OSBPL6: variants seen among roughly 807,000 people sequenced by gnomAD.
The protein encoded by OSBPL6 is oxysterol binding protein like 6, also known as oxysterol-binding protein-related protein 6.
A neutral mutation model predicts 125.8 loss-of-function variants in OSBPL6; 49 were observed. That is an observed-to-expected ratio of 0.39 (90% CI 0.31 to 0.49). OSBPL6 has a LOEUF of 0.49. Among genes scored for constraint, OSBPL6 ranks in the 20% least tolerant of loss-of-function variants. OSBPL6 has a pLI of 0.88. For missense variants in OSBPL6, 986 were observed against 1,135.4 expected (o/e 0.87, Z 1.89); for synonymous variants, 394 against 391.8 (o/e 1.01, Z -0.07).
intron 15 of OSBPL6, among the ~76,000 whole-genome samples, chr2:178,377,543 C>T (rs1394769826): frequency 6.6e-6 from 1 of 152,196 alleles, no homozygotes; most frequent in Non-Finnish European, 1.5e-5. Context: ...CCTTCACACT[C>T]ATAGTCTTAG....
intron 12 of OSBPL6, among the ~76,000 whole-genome samples, chr2:178,355,318 C>G (rs1358069062): frequency 6.6e-6 from 1 of 151,754 alleles, no homozygotes; most frequent in Non-Finnish European, 1.5e-5. Flanking sequence ...TTGAAAAGAT[C>G]AACAAAATTG....
intron 1 of OSBPL6, among the ~76,000 whole-genome samples, chr2:178,282,157 G>A (rs544800017): frequency 1.6e-4 from 24 of 152,312 alleles, no homozygotes; most frequent in African/African-American, 5.1e-4. Flanking sequence ...GCAGTTTTGT[G>A]CTGGATTTTG....
At chr2:178,219,047 C>T (rs936513434) in intron 1 of OSBPL6, among the ~76,000 whole-genome samples, 1 of 152,032 alleles carries the variant, frequency 6.6e-6, no homozygotes, top group Non-Finnish European at 1.5e-5. Context: ...CCCTACTTAC[C>T]TGCTTTGACT....
At chr2:178,211,642 C>T (rs1574495141) in intron 1 of OSBPL6, among the ~76,000 whole-genome samples, 2 of 152,230 alleles carry the variant, frequency 1.3e-5, no homozygotes, top group Middle Eastern at 3.4e-3. Context: ...TCTACCTGAC[C>T]CCATTCTGAA....
intron 1 of OSBPL6, among the ~76,000 whole-genome samples, chr2:178,284,684 C>T (rs1050982131): frequency 3.3e-5 from 5 of 152,186 alleles, no homozygotes; most frequent in African/African-American, 1.2e-4. Context: ...TTTTCATACT[C>T]CAAGCTCTGG....
intron 1 of OSBPL6, among the ~76,000 whole-genome samples, chr2:178,245,970 C>T (rs72947423): frequency 0.022 from 3,349 of 152,244 alleles, 61 homozygotes; most frequent in Non-Finnish European, 0.035. Flanking sequence ...ACAGGCCCTG[C>T]ACTCCCTGCT....
chr2:178,252,239 A>G (rs1315167200), intron 1 of OSBPL6, among the ~76,000 whole-genome samples: 5 of 152,154 alleles, frequency 3.3e-5, no homozygotes, highest in Non-Finnish European at 5.9e-5. Context: ...ACTGTTACTA[A>G]TCTTTGTAGT....
chr2:178,284,847 T>C, intron 1 of OSBPL6, 80 bp from the exon 2 acceptor site: 1 of 391,750 alleles, frequency 2.6e-6, no homozygotes, highest in South Asian at 1.4e-4. Flanking sequence ...AATTTTCTGA[T>C]TGGCCATAGG....
chr2:178,373,332 A>AT (rs11417975), intron 14 of OSBPL6, among the ~76,000 whole-genome samples: 84,121 of 151,998 alleles, frequency 0.55, 23,648 homozygotes, highest in East Asian at 0.89. Context: ...TTTCTCTTAC[A>AT]TTTTTTATTG....
chr2:178,291,276 G>A (rs1179271045), intron 2 of OSBPL6, among the ~76,000 whole-genome samples: 1 of 152,140 alleles, frequency 6.6e-6, no homozygotes. Flanking sequence ...GATTATCTGA[G>A]TTATTTGCAA....
intron 12 of OSBPL6, among the ~76,000 whole-genome samples, chr2:178,352,926 G>T (rs1559282983): frequency 6.6e-6 from 1 of 152,164 alleles, no homozygotes; most frequent in Non-Finnish European, 1.5e-5. Flanking sequence ...CTGTTCTGCA[G>T]CCTCCACTGT....
At chr2:178,267,198 A>T (rs955773462) in intron 1 of OSBPL6, among the ~76,000 whole-genome samples, 4 of 152,018 alleles carry the variant, frequency 2.6e-5, no homozygotes, top group African/African-American at 9.7e-5. Flanking sequence ...TACTAAAAAT[A>T]TAAAAATTAG....
At chr2:178,299,660 T>A (rs1686098144) in intron 2 of OSBPL6, among the ~76,000 whole-genome samples, 1 of 152,206 alleles carries the variant, frequency 6.6e-6, no homozygotes, top group Non-Finnish European at 1.5e-5. Flanking sequence ...AAAATCCTGT[T>A]ATGATTTTGG....
chr2:178,247,578 A>G (rs575965046), intron 1 of OSBPL6, among the ~76,000 whole-genome samples: 73 of 151,608 alleles, frequency 4.8e-4, no homozygotes, highest in Non-Finnish European at 9.6e-4. Flanking sequence ...AGTGTTTTCA[A>G]TTTCTCCTTC....
At chr2:178,252,605 T>C (rs983248985) in intron 1 of OSBPL6, among the ~76,000 whole-genome samples, 1 of 152,120 alleles carries the variant, frequency 6.6e-6, no homozygotes, top group Non-Finnish European at 1.5e-5. Context: ...GTGGTCTTTG[T>C]TAAACATATA....
intron 3 of OSBPL6, among the ~76,000 whole-genome samples, chr2:178,310,610 G>C (rs1029593871): frequency 1.3e-5 from 2 of 151,642 alleles, no homozygotes; most frequent in South Asian, 2.1e-4. Flanking sequence ...GTAGAGACAG[G>C]GTTTCACCGT....
intron 5 of OSBPL6, 95 bp downstream of exon 5, chr2:178,328,473 A>G: frequency 1.3e-6 from 2 of 1,492,336 alleles, no homozygotes; most frequent in Non-Finnish European, 9.0e-7. Context: ...ATATGGCAGT[A>G]TGTGTAAAAC....
intron 3 of OSBPL6, among the ~76,000 whole-genome samples, chr2:178,309,404 G>T (rs1001162606): frequency 6.6e-6 from 1 of 152,114 alleles, no homozygotes; most frequent in Non-Finnish European, 1.5e-5. Flanking sequence ...AACAACATTA[G>T]TTTTGTATTT....
At chr2:178,376,132 C>T (rs1350045840) in intron 15 of OSBPL6, among the ~76,000 whole-genome samples, 2 of 152,190 alleles carry the variant, frequency 1.3e-5, no homozygotes, top group African/African-American at 4.8e-5. Flanking sequence ...AAGGACAGAA[C>T]TGTCCAAGAG....
Sources: allele counts gnomAD v4.1 joint callset (sites outside exome capture counted in the v4.1 genomes callset), GRCh38; gene constraint gnomAD v4.1.1; transcripts MANE v1.5; gene names NCBI Gene and HGNC (gene_info 2026-07-23, HGNC 2026-07-21).